The following HAVCR1 variants were observed in gnomAD, a reference collection of about 807,000 sequenced individuals.
HAVCR1 encodes hepatitis A virus cellular receptor 1, also known as T cell immunoglobin domain and mucin domain protein 1.
Under a neutral mutation model 32.0 loss-of-function variants are expected in HAVCR1, and 34 were observed. That is an observed-to-expected ratio of 1.06 (90% confidence interval 0.81 to 1.42). HAVCR1 has a LOEUF of 1.42. Among genes scored for constraint, HAVCR1 ranks in the 40% most tolerant of loss-of-function variants. The pLI is 0.00. For synonymous variants in HAVCR1, 178 were observed against 170.3 expected (o/e 1.05, Z -0.35); for missense variants, 420 against 442.3 (o/e 0.95, Z 0.45).
At chr5:157,052,722 TGTACC>T in intron 3 of HAVCR1, 68 bp from the exon 4 acceptor site, 1 of 1,324,324 alleles carries the variant, frequency 7.6e-7, no homozygotes, top group Non-Finnish European at 1.1e-6. Context: ...AGGCTGGAAC[TGTACC>T]CTAGCACACC....
At chr5:157,032,137 T>A (rs576154965) in intron 8 of HAVCR1, among the ~76,000 whole-genome samples, 37 of 152,354 alleles carry the variant, frequency 2.4e-4, no homozygotes, top group African/African-American at 8.9e-4. Flanking sequence ...GGTTTTTGTC[T>A]GTTATATTCA....
intron 5 of HAVCR1, among the ~76,000 whole-genome samples, chr5:157,044,405 G>GAAAGAAAGAAAGAAAGAAAGA (rs1755110410): frequency 3.1e-5 from 1 of 32,672 alleles, no homozygotes; most frequent in African/African-American, 1.1e-4. Context: ...AGGAAGGAAG[G>GAAAGAAAGAAAGAAAGAAAGA]AAGGAAGGAA....
chr5:157,067,777 C>T, the HAVCR1 span, among the ~76,000 whole-genome samples: 1 of 152,184 alleles, frequency 6.6e-6, no homozygotes, highest in African/African-American at 2.4e-5. Flanking sequence ...CAACCTCCGC[C>T]TCCCGGGTTA....
upstream of HAVCR1, among the ~76,000 whole-genome samples, chr5:157,061,749 C>T (rs1358644067): frequency 3.3e-5 from 5 of 151,538 alleles, no homozygotes; most frequent in Non-Finnish European, 7.4e-5. Flanking sequence ...AATGGAAACA[C>T]AAACCCATAG....
intron 3 of HAVCR1, among the ~76,000 whole-genome samples, chr5:157,053,310 G>C (rs1188053560): frequency 6.6e-6 from 1 of 150,698 alleles, no homozygotes; most frequent in Non-Finnish European, 1.5e-5. Context: ...ATGAACCCCA[G>C]AGGTGGAGGT....
At chr5:157,048,996 G>T (rs776068533) in intron 5 of HAVCR1, 42 bp downstream of exon 5, 3 of 1,147,056 alleles carry the variant, frequency 2.6e-6, no homozygotes, top group South Asian at 1.2e-5. Context: ...GGTTATCAAG[G>T]TTTGAATGAT....
intron 5 of HAVCR1, among the ~76,000 whole-genome samples, chr5:157,044,494 AGGAAGGAAGGAAGGAG>A (rs1561590615): frequency 5.4e-5 from 5 of 92,946 alleles, no homozygotes; most frequent in Non-Finnish European, 2.4e-5. Flanking sequence ...GAAGGAAGGA[AGGAAGGAAGGAAGGAG>A]GAAGGAAGGA....
At chr5:157,042,256 C>G (rs1201420062) in intron 6 of HAVCR1, among the ~76,000 whole-genome samples, 1 of 151,480 alleles carries the variant, frequency 6.6e-6, no homozygotes, top group Non-Finnish European at 1.5e-5. Context: ...TCCTGGCTAA[C>G]ACGGTGAAAC....
At chr5:157,038,748 G>T (rs1416554358) in intron 6 of HAVCR1, among the ~76,000 whole-genome samples, 2 of 152,242 alleles carry the variant, frequency 1.3e-5, no homozygotes, top group Non-Finnish European at 1.5e-5. Context: ...CAGGAGGCAG[G>T]CTTTGCTTTC....
upstream of HAVCR1, among the ~76,000 whole-genome samples, chr5:157,060,859 T>C (rs1038590790): frequency 2.0e-5 from 3 of 152,096 alleles, no homozygotes; most frequent in Admixed American, 6.6e-5. Flanking sequence ...CATATGACTA[T>C]TGAGCACTTG....
chr5:157,032,194 C>G (rs777963586), intron 8 of HAVCR1, among the ~76,000 whole-genome samples: 2 of 152,200 alleles, frequency 1.3e-5, no homozygotes, highest in Non-Finnish European at 1.5e-5. Context: ...GACAAAGCAT[C>G]GAATATGGTG....
chr5:157,060,755 A>T (rs1029393788), upstream of HAVCR1, among the ~76,000 whole-genome samples: 43 of 152,166 alleles, frequency 2.8e-4, no homozygotes, highest in African/African-American at 8.9e-4. Context: ...TAGGATTTGA[A>T]TTTGAATTCC....
At chr5:157,042,825 T>C in intron 5 of HAVCR1, 143 bp from the exon 6 acceptor site, 1 of 544,734 alleles carries the variant, frequency 1.8e-6, no homozygotes, top group Non-Finnish European at 3.2e-6. Flanking sequence ...GCAAGAGTCA[T>C]ACCAAGTTAT....
At chr5:157,042,858 G>A (rs1204713557) in intron 5 of HAVCR1, among the ~76,000 whole-genome samples, 176 bp from the exon 6 acceptor site, 1 of 152,152 alleles carries the variant, frequency 6.6e-6, no homozygotes, top group Non-Finnish European at 1.5e-5. Flanking sequence ...AATTTCTCCT[G>A]TAAAGTTGTA....
At chr5:157,056,534 C>T (rs1756159910) in intron 2 of HAVCR1, among the ~76,000 whole-genome samples, 2 of 151,870 alleles carry the variant, frequency 1.3e-5, no homozygotes, top group Non-Finnish European at 2.9e-5. Context: ...CACACGCCGC[C>T]ACGCCCGGCT....
chr5:157,054,981 T>C (rs895729305), intron 3 of HAVCR1, among the ~76,000 whole-genome samples: 2 of 152,300 alleles, frequency 1.3e-5, no homozygotes, highest in South Asian at 4.1e-4. Context: ...AAGGAACAAT[T>C]GTACTGCTGT....
chr5:157,058,301 A>T (rs547218030), intron 1 of HAVCR1: 5 of 195,654 alleles, frequency 2.6e-5, no homozygotes, highest in Admixed American at 5.7e-5. Flanking sequence ...CGGTGGCTCA[A>T]ACCTGTAATC....
In HAVCR1 at chr5:157,055,377, T is replaced by C; in HGVS notation, c.203A>G (p.His68Arg). The C allele has an allele frequency of 6.2e-7, 1 of 1,613,906 alleles. No homozygotes were observed. The highest frequency in any genetic ancestry group is 8.5e-7 in the Non-Finnish European group (1 of 1,179,764). The change falls in exon 3 of 9, where the codon CAC becomes CGC. Residue 68 changes from histidine (H) to arginine (R), a missense_variant. Coordinates refer to ENST00000523175, the MANE Select transcript of HAVCR1 (RefSeq NM_001173393.3). Reference sequence around the variant, plus strand: ...GCGTGTGTCCTTCCGATAGGTGACGTGGGTTCCATTGGTCCAGACAATGCC... The same window carrying C: ...GCGTGTGTCCTTCCGATAGGTGACGCGGGTTCCATTGGTCCAGACAATGCC... ...QNGIVWTNGT[H>R]VTYRKDTRYK...
the HAVCR1 span, among the ~76,000 whole-genome samples, chr5:157,069,223 T>C: frequency 6.6e-6 from 1 of 152,216 alleles, no homozygotes; most frequent in South Asian, 2.1e-4. Context: ...TCCAAAAAAC[T>C]CTGTTTTATG....
Sources: allele counts gnomAD v4.1 joint callset (sites outside exome capture counted in the v4.1 genomes callset), GRCh38; gene constraint gnomAD v4.1.1; transcripts MANE v1.5; gene names NCBI Gene and HGNC (gene_info 2026-07-23, HGNC 2026-07-21).